APH1B: variants seen among roughly 807,000 people sequenced by gnomAD.
The protein encoded by APH1B is gamma-secretase subunit APH-1B.
Under a neutral mutation model 28.2 loss-of-function variants are expected in APH1B, and 27 were observed. The ratio of observed to expected loss-of-function variants is 0.96; its 90% CI spans 0.70 to 1.32. APH1B has a LOEUF of 1.32. APH1B is among the 40% of genes most tolerant of loss of function. The pLI is 0.00. For synonymous variants in APH1B, 141 were observed against 124.6 expected, an observed-to-expected ratio of 1.13 and a Z score of -0.88; for missense variants, 305 against 313.6, an observed-to-expected ratio of 0.97 and a Z score of 0.21.
At chr15:63,280,820 T>G (rs2038378366) in intron 2 of APH1B, among the ~76,000 whole-genome samples, 1 of 152,192 alleles carries the variant, frequency 6.6e-6, no homozygotes, top group Non-Finnish European at 1.5e-5. Context: ...ATTCTACAAT[T>G]TTAAGCTTTA....
At chr15:63,293,465 C>T (rs1000427478) in intron 4 of APH1B, among the ~76,000 whole-genome samples, 1 of 150,040 alleles carries the variant, frequency 6.7e-6, no homozygotes, top group Non-Finnish European at 1.5e-5. Context: ...CCGCACCTGG[C>T]CTGTTTTTTT....
At chr15:63,290,870 T>C (rs2038497747) in intron 4 of APH1B, among the ~76,000 whole-genome samples, 1 of 151,678 alleles carries the variant, frequency 6.6e-6, no homozygotes, top group Non-Finnish European at 1.5e-5. Context: ...GCACAGCTTA[T>C]GGAGGAAGTG....
intron 4 of APH1B, among the ~76,000 whole-genome samples, chr15:63,289,506 AAAAATCC>A: frequency 6.6e-6 from 1 of 152,234 alleles, no homozygotes; most frequent in Non-Finnish European, 1.5e-5. Flanking sequence ...TTTTTAATCC[AAAAATCC>A]AAAATCCAAA....
At chr15:63,282,218 A>G (rs954050241) in intron 2 of APH1B, among the ~76,000 whole-genome samples, 1 of 152,196 alleles carries the variant, frequency 6.6e-6, no homozygotes, top group Non-Finnish European at 1.5e-5. Flanking sequence ...GTTTGGTTTA[A>G]TCAATACTTT....
In APH1B at chr15:63,303,627, C is replaced by G. The variant is rs144939954; in HGVS notation, c.606+1155C>G. ...TCTCCCACCACACCCTTCCAAGTAG[C>G]TGGGACTATGGGCATGCGCCGTCAT... On this transcript the variant is annotated intron_variant, in intron 5 of 5. Transcript: ENST00000261879. Among the ~76,000 whole-genome samples, 302 of 152,216 alleles carry G rather than the reference C, an allele frequency of 2.0e-3. 3 individuals carry two copies. The highest frequency in any genetic ancestry group is 6.9e-3 in the African/African-American group (286 of 41,532).
intron 4 of APH1B, among the ~76,000 whole-genome samples, chr15:63,301,455 A>G (rs1003039711): frequency 6.6e-6 from 1 of 152,238 alleles, no homozygotes; most frequent in African/African-American, 2.4e-5. Context: ...TAACCAGTAC[A>G]CAAGATACAC....
At chr15:63,301,140 G>C (rs2038622982) in intron 4 of APH1B, among the ~76,000 whole-genome samples, 1 of 152,196 alleles carries the variant, frequency 6.6e-6, no homozygotes, top group Non-Finnish European at 1.5e-5. Context: ...CCATAATTTG[G>C]AGTTCTAACA....
At chr15:63,279,382 A>G in intron 2 of APH1B, 51 bp downstream of exon 2, 4 of 1,528,094 alleles carry the variant, frequency 2.6e-6, no homozygotes, top group Non-Finnish European at 3.6e-6. Context: ...GATTTTAGTT[A>G]TGATTTGGTC....
intron 4 of APH1B, among the ~76,000 whole-genome samples, chr15:63,299,393 GTTGTTTTGTTTTTGTT>G (rs1235302611): frequency 2.5e-4 from 38 of 152,042 alleles, no homozygotes; most frequent in Admixed American, 1.2e-3. Context: ...GAGAATTTTT[GTTGTTTTGTTTTTGTT>G]TTGTTTTGTT....
At position 63,305,674 on chromosome 15, in the gene APH1B, A is replaced by C; in HGVS notation, c.667A>C (p.Met223Leu). The change falls in exon 6 of 6, where the codon ATG becomes CTG. Residue 223 changes from methionine to leucine, a missense_variant. Physicochemically the swap from Met to Leu is conservative, Grantham distance 15. Transcript: ENST00000261879. The part of the protein sequence containing the change: ...LASAFIILVL[M>L]GTWAFLAAGG... ...GTCAGCATTTATAATCCTGGTGCTC[A>C]TGGGCACCTGGGCATTCTTAGCTGC... The C allele has an allele frequency of 6.2e-7, 1 of 1,614,240 alleles. No individual in the cohort carries two copies. The highest frequency in any genetic ancestry group is 8.5e-7 in the Non-Finnish European group (1 of 1,180,032).
In APH1B at chr15:63,306,724, G is replaced by A. The variant is rs1333410106; in HGVS notation, c.*943G>A. The A allele has an allele frequency of 6.6e-6, 1 of 152,218 alleles. No homozygotes were observed. Among genetic ancestry groups the A allele is most frequent in the Non-Finnish European group, 1.5e-5 (1 of 68,050 alleles). The allele number at this position is 152,218 out of a possible 1,614,324, so 9.4% of individuals were successfully genotyped here. ...GGGACAGGCTTCACTGGAGCTGGTGGAAGTATAACCAGAAGCACAAGGAAA... is the reference window on the plus strand; with the variant it reads ...GGGACAGGCTTCACTGGAGCTGGTGAAAGTATAACCAGAAGCACAAGGAAA... On this transcript the variant is annotated 3_prime_UTR_variant, in exon 6 of 6. Transcript: ENST00000261879.
intron 4 of APH1B, among the ~76,000 whole-genome samples, chr15:63,291,274 C>T (rs539113558): frequency 2.0e-5 from 3 of 152,136 alleles, no homozygotes; most frequent in Admixed American, 6.5e-5. Flanking sequence ...TTTTTCATTC[C>T]GAATTACCTC....
At chr15:63,281,058 T>G (rs1185408704) in intron 2 of APH1B, among the ~76,000 whole-genome samples, 1 of 151,816 alleles carries the variant, frequency 6.6e-6, no homozygotes, top group East Asian at 1.9e-4. Context: ...ATCACTTGAA[T>G]CTAGGAGGCG....
chr15:63,305,609 T>C lies in APH1B; in HGVS notation c.607-5T>C. The C allele has an allele frequency of 1.2e-6, 2 of 1,613,952 alleles. No homozygotes were observed. The highest frequency in any genetic ancestry group is 1.7e-6 in the Non-Finnish European group (2 of 1,179,990). On this transcript the variant is annotated splice_region_variant and splice_polypyrimidine_tract_variant and intron_variant, in intron 5 of 5. Transcript: ENST00000261879. ...TACCCAAGCTGATTTATTTTTCTTT[T>C]GCAGACCTTCATAAGTTCTTATTAT...
chr15:63,281,910 G>C (rs1162766751), intron 2 of APH1B, among the ~76,000 whole-genome samples: 1 of 152,154 alleles, frequency 6.6e-6, no homozygotes, highest in African/African-American at 2.4e-5. Flanking sequence ...AGGAAGTTCA[G>C]AGAAGCCTCT....
chr15:63,282,444 T>C (rs1207310000), intron 2 of APH1B, among the ~76,000 whole-genome samples: 1 of 152,240 alleles, frequency 6.6e-6, no homozygotes, highest in African/African-American at 2.4e-5. Flanking sequence ...CTAATCTTGT[T>C]CTTACATGAA....
rs1451737118 is a variant in APH1B at position 63,285,399 on chromosome 15, T to A, written c.285-1159T>A. Among the ~76,000 whole-genome samples the A allele has an allele frequency of 2.0e-5, 3 of 152,256 alleles. No individual in the cohort carries two copies. The East Asian group carries it at 5.8e-4, about 29-fold the overall frequency. ...CTAAAAAATCATTTTTAAAATGTTT[T>A]GGTTCTTTTGTTGCCTTAATAAATA... On this transcript the variant is annotated intron_variant, in intron 2 of 5. Coordinates refer to ENST00000261879, the MANE Select transcript of APH1B (RefSeq NM_031301.4).
chr15:63,279,256 A>T lies in APH1B; in HGVS notation c.209A>T (p.Tyr70Phe). The T allele has an allele frequency of 6.2e-7, 1 of 1,613,136 alleles. No homozygotes were observed. Among genetic ancestry groups the T allele is most frequent in the Non-Finnish European group, 8.5e-7 (1 of 1,179,250 alleles). Reference protein sequence around the residue: ...IDNKDGPTQKYLLIFGAFVSV... With the variant: ...IDNKDGPTQKFLLIFGAFVSV... ...AACAAAGATGGACCAACACAGAAAT[A>T]TCTGCTGATCTTTGGAGCGTTTGTC... Residue 70 changes from tyrosine (Y) to phenylalanine (F), a missense_variant, in exon 2 of 6, where the codon TAT (tyrosine) becomes TTT (phenylalanine). Physicochemically the swap from Tyr to Phe is conservative, Grantham distance 22. Transcript: ENST00000261879.
At chr15:63,288,949 T>C (rs1248546971) in intron 4 of APH1B, among the ~76,000 whole-genome samples, 1 of 152,236 alleles carries the variant, frequency 6.6e-6, no homozygotes, top group Non-Finnish European at 1.5e-5. Context: ...TCTTTTGATA[T>C]ACAGGTTTTG....
Sources: allele counts gnomAD v4.1 joint callset (sites outside exome capture counted in the v4.1 genomes callset), GRCh38; gene constraint gnomAD v4.1.1; transcripts MANE v1.5; gene names NCBI Gene and HGNC (gene_info 2026-07-23, HGNC 2026-07-21).